ELMO1: variants seen among roughly 807,000 people sequenced by gnomAD.
The protein encoded by ELMO1 is engulfment and cell motility protein 1.
In ELMO1, 26 loss-of-function variants were observed where a neutral mutation model predicts 98.9. That is an observed-to-expected ratio of 0.26 (90% CI 0.19 to 0.36). The LOEUF (loss-of-function observed/expected upper bound fraction) is 0.36, where lower values mean the gene tolerates loss of function less well. Ranked by LOEUF, ELMO1 falls within the 10% of genes least tolerant of loss-of-function variation. The probability of loss-of-function intolerance (pLI) is 1.00; values close to 1 mark genes in which losing one functional copy is unlikely to be tolerated. For missense variants in ELMO1, 627 were observed against 935.2 expected, an observed-to-expected ratio of 0.67 and a Z score of 4.30; for synonymous variants, 346 against 346.0, an observed-to-expected ratio of 1.00 and a Z score of 0.00.
intron 13 of ELMO1, among the ~76,000 whole-genome samples, chr7:37,195,034 G>T (rs2130227131): frequency 6.6e-6 from 1 of 152,304 alleles, no homozygotes; most frequent in South Asian, 2.1e-4. Flanking sequence ...TATCCCTCTG[G>T]TGGGACATCA....
At chr7:37,067,143 C>T (rs1261193839) in intron 15 of ELMO1, among the ~76,000 whole-genome samples, 3 of 152,196 alleles carry the variant, frequency 2.0e-5, no homozygotes, top group East Asian at 1.9e-4. Flanking sequence ...CTCATCCATT[C>T]ATTTTTAGGT....
At chr7:37,245,454 AC>A (rs1278003506) in intron 6 of ELMO1, among the ~76,000 whole-genome samples, 1 of 152,252 alleles carries the variant, frequency 6.6e-6, no homozygotes, top group Non-Finnish European at 1.5e-5. Flanking sequence ...AATCCAAATC[AC>A]CAGGCAAAGA....
intron 21 of ELMO1, among the ~76,000 whole-genome samples, chr7:36,860,675 T>C (rs1018931552): frequency 6.6e-6 from 1 of 152,164 alleles, no homozygotes; most frequent in Non-Finnish European, 1.5e-5. Flanking sequence ...GAACCACAAT[T>C]TTATTTAAAA....
At chr7:37,067,472 T>C (rs1048328273) in intron 15 of ELMO1, among the ~76,000 whole-genome samples, 7 of 152,362 alleles carry the variant, frequency 4.6e-5, no homozygotes, top group Admixed American at 1.3e-4. Context: ...TATTGTATTA[T>C]GTACAGATAT....
chr7:37,190,203 CT>C (rs1791482637), intron 13 of ELMO1, among the ~76,000 whole-genome samples: 2 of 152,178 alleles, frequency 1.3e-5, no homozygotes, highest in African/African-American at 4.8e-5. Context: ...TGCTGATAGG[CT>C]ACTAATTATT....
chr7:37,405,331 C>T (rs752310368), intron 1 of ELMO1, among the ~76,000 whole-genome samples: 2 of 152,170 alleles, frequency 1.3e-5, no homozygotes, highest in Non-Finnish European at 2.9e-5. Context: ...CCCCTCCCCA[C>T]GCCCCAGACT....
intron 15 of ELMO1, among the ~76,000 whole-genome samples, chr7:37,045,178 C>G (rs1477334150): frequency 6.6e-6 from 1 of 152,128 alleles, no homozygotes; most frequent in African/African-American, 2.4e-5. Flanking sequence ...TGGGTGGAAT[C>G]CTGGAATACA....
chr7:37,254,186 T>C (rs1260366772), intron 6 of ELMO1, among the ~76,000 whole-genome samples: 1 of 152,030 alleles, frequency 6.6e-6, no homozygotes, highest in Non-Finnish European at 1.5e-5. Flanking sequence ...TCCCCGAAAA[T>C]AGCGTAACTT....
At chr7:37,433,802 TA>T (rs755651501) in intron 1 of ELMO1, among the ~76,000 whole-genome samples, 5 of 152,052 alleles carry the variant, frequency 3.3e-5, no homozygotes, top group African/African-American at 7.2e-5. Context: ...AGTCATGAAC[TA>T]GTTTCTCCCC....
At chr7:37,344,198 A>G (rs1261360052) in intron 1 of ELMO1, among the ~76,000 whole-genome samples, 3 of 151,862 alleles carry the variant, frequency 2.0e-5, no homozygotes, top group Non-Finnish European at 4.4e-5. Flanking sequence ...CATCCGGCTA[A>G]CTTTTGTATT....
At chr7:36,908,674 C>T (rs1211149650) in intron 16 of ELMO1, among the ~76,000 whole-genome samples, 1 of 152,164 alleles carries the variant, frequency 6.6e-6, no homozygotes, top group Non-Finnish European at 1.5e-5. Context: ...CAGTTCTCAA[C>T]TTCTTATTTA....
chr7:37,064,515 G>A (rs1348199149), intron 15 of ELMO1, among the ~76,000 whole-genome samples: 1 of 152,182 alleles, frequency 6.6e-6, no homozygotes, highest in Non-Finnish European at 1.5e-5. Flanking sequence ...CATCTATGAA[G>A]ACACAAGGAC....
At chr7:37,055,194 A>G (rs1487421980) in intron 15 of ELMO1, among the ~76,000 whole-genome samples, 4 of 152,266 alleles carry the variant, frequency 2.6e-5, no homozygotes, top group Non-Finnish European at 5.9e-5. Flanking sequence ...AGAAATGACA[A>G]CAAGAAACAA....
At chr7:37,420,963 G>T (rs984361447) in intron 1 of ELMO1, among the ~76,000 whole-genome samples, 3 of 152,160 alleles carry the variant, frequency 2.0e-5, no homozygotes, top group African/African-American at 7.2e-5. Flanking sequence ...CTACACACTT[G>T]TATCTGATGG....
At chr7:37,176,831 A>C (rs1338233963) in intron 13 of ELMO1, among the ~76,000 whole-genome samples, 2 of 152,222 alleles carry the variant, frequency 1.3e-5, no homozygotes, top group African/African-American at 2.4e-5. Context: ...GTTAGAAGAC[A>C]AAGTAAAGAA....
At chr7:37,180,366 A>T (rs1184831515) in intron 13 of ELMO1, among the ~76,000 whole-genome samples, 1 of 152,204 alleles carries the variant, frequency 6.6e-6, no homozygotes, top group Non-Finnish European at 1.5e-5. Flanking sequence ...GATGATATAT[A>T]AGAACTTGAA....
intron 1 of ELMO1, among the ~76,000 whole-genome samples, chr7:37,437,970 A>C: frequency 1.4e-4 from 1 of 7,286 alleles, no homozygotes; most frequent in African/African-American, 3.7e-4. Context: ...ACAGAGCGAG[A>C]CTCCGTCTCA....
intron 13 of ELMO1, among the ~76,000 whole-genome samples, chr7:37,155,513 G>T (rs1472685198): frequency 1.2e-4 from 4 of 32,992 alleles, no homozygotes; most frequent in Non-Finnish European, 2.3e-4. Context: ...AAAAAAGCAG[G>T]TGTTGCAATC....
intron 1 of ELMO1, among the ~76,000 whole-genome samples, chr7:37,433,838 A>AG (rs991008127): frequency 1.5e-4 from 23 of 152,204 alleles, no homozygotes; most frequent in African/African-American, 5.1e-4. Flanking sequence ...CTCCTGCTGC[A>AG]GGGGGCAAAA....
Sources: gnomAD v4.1 joint callset for allele counts (sites outside exome capture counted in the v4.1 genomes callset) on GRCh38, gnomAD v4.1.1 for gene constraint, MANE v1.5 for transcripts, NCBI Gene and HGNC (gene_info 2026-07-23, HGNC 2026-07-21) for gene names.